Variants in TSNARE1 observed in about 807,000 individuals in gnomAD.
TSNARE1 encodes t-SNARE domain-containing protein 1.
TSNARE1 carries 49 observed loss-of-function variants against 62.0 expected under a neutral mutation model. The ratio of observed to expected loss-of-function variants is 0.79; its 90% CI spans 0.63 to 1.00. The LOEUF (loss-of-function observed/expected upper bound fraction) is 1.00, where lower values mean the gene tolerates loss of function less well. TSNARE1 is among the 50% of genes least tolerant of loss of function. The pLI is 0.00. For synonymous variants in TSNARE1, 328 were observed against 294.4 expected (o/e 1.11, Z -1.17); for missense variants, 755 against 700.1 (o/e 1.08, Z -0.88).
chr8:142,258,836 T>A (rs1347078511), intron 12 of TSNARE1, among the ~76,000 whole-genome samples: 1 of 152,136 alleles, frequency 6.6e-6, no homozygotes, highest in Non-Finnish European at 1.5e-5. Flanking sequence ...CGCATGCCTT[T>A]CTGTTGCTCA....
chr8:142,318,650 G>T lies in TSNARE1; in HGVS notation c.894-16C>A. The T allele has an allele frequency of 6.2e-7, 1 of 1,613,302 alleles. No homozygotes were observed. ...TGCCGTGTGCCTGGGGGCCGAGAAG[G>T]AGCCAGGAGCGAAGGCAGGGGAGGA... is the stretch of plus-strand genomic sequence containing the variant. On this transcript the variant is annotated splice_polypyrimidine_tract_variant and intron_variant, in intron 6 of 13. Coordinates refer to ENST00000524325, the MANE Select transcript of TSNARE1 (RefSeq NM_145003.5).
chr8:142,389,865 G>C (rs1837362673), intron 1 of TSNARE1, among the ~76,000 whole-genome samples: 1 of 152,216 alleles, frequency 6.6e-6, no homozygotes. Flanking sequence ...TCTGAGGACT[G>C]TATCATTAGA....
intron 2 of TSNARE1, 99 bp downstream of exon 2, chr8:142,354,538 C>G (rs1834536518): frequency 3.6e-6 from 3 of 824,552 alleles, no homozygotes; most frequent in East Asian, 2.7e-5. Context: ...CTCAAAAGAA[C>G]AGAACTGGTT....
Position 142,268,179 on chromosome 8 carries a change from G to A in TSNARE1, c.1446+6602C>T, listed in dbSNP as rs117936862. ...CCATTCCATGCCCCCACTGGATGATGGAGCTTCATGGACAGCCATCTGCTG... is the reference window on the plus strand; with the variant it reads ...CCATTCCATGCCCCCACTGGATGATAGAGCTTCATGGACAGCCATCTGCTG... On this transcript the variant is annotated intron_variant, in intron 12 of 13. Coordinates refer to ENST00000524325, the MANE Select transcript of TSNARE1 (RefSeq NM_145003.5). 5.9e-3 allele frequency among the ~76,000 whole-genome samples: 895 copies of A among 152,362 alleles called. 4 individuals are homozygous for A. The highest frequency in any genetic ancestry group is 0.01 in the Middle Eastern group (3 of 294).
chr8:142,365,709 CACA>C (rs1256569868), intron 1 of TSNARE1, among the ~76,000 whole-genome samples: 1 of 152,086 alleles, frequency 6.6e-6, no homozygotes, highest in Non-Finnish European at 1.5e-5. Flanking sequence ...GCAAAATATA[CACA>C]ACAAGTTTTC....
intron 12 of TSNARE1, chr8:142,273,416 C>A (rs1397357382): frequency 1.6e-5 from 16 of 985,462 alleles, no homozygotes; most frequent in Non-Finnish European, 1.9e-5. Context: ...CTCCTGGAGG[C>A]CCCTGGGCCT....
intron 13 of TSNARE1, among the ~76,000 whole-genome samples, chr8:142,214,862 C>T (rs1586737076): frequency 1.3e-5 from 2 of 152,206 alleles, no homozygotes; most frequent in Non-Finnish European, 2.9e-5. Context: ...CCTGGCGGCA[C>T]CCTGATCTGG....
intron 1 of TSNARE1, among the ~76,000 whole-genome samples, chr8:142,367,436 CCA>C (rs989512128): frequency 1.3e-5 from 2 of 151,558 alleles, no homozygotes; most frequent in African/African-American, 4.9e-5. Flanking sequence ...ACACCAAAGA[CCA>C]CACATGTTTG....
intron 11 of TSNARE1, chr8:142,275,895 G>A (rs1563806176): frequency 1.0e-6 from 1 of 985,308 alleles, no homozygotes; most frequent in East Asian, 1.1e-4. Flanking sequence ...AGAAAGACAA[G>A]GCCACTCCCC....
intron 12 of TSNARE1, chr8:142,274,449 T>A: frequency 1.0e-6 from 1 of 985,446 alleles, no homozygotes; most frequent in Non-Finnish European, 1.2e-6. Context: ...CTGAGCTGCA[T>A]GTCAGCATCT....
chr8:142,295,583 G>A (rs1195962219), intron 10 of TSNARE1, among the ~76,000 whole-genome samples: 2 of 152,266 alleles, frequency 1.3e-5, no homozygotes, highest in Non-Finnish European at 2.9e-5. Context: ...ATAGGGGGCA[G>A]GCCCCCGTCA....
chr8:142,248,399 G>A (rs1407372339), intron 12 of TSNARE1, among the ~76,000 whole-genome samples: 1 of 152,196 alleles, frequency 6.6e-6, no homozygotes, highest in Non-Finnish European at 1.5e-5. Flanking sequence ...TTGAGTAACG[G>A]GACAAAGAGC....
Position 142,383,452 on chromosome 8 carries a change from C to T in TSNARE1, c.-40+19652G>A, listed in dbSNP as rs567441019. 2.5e-4 allele frequency among the ~76,000 whole-genome samples: 38 copies of T among 152,300 alleles called. No homozygotes were observed. In the South Asian group the frequency reaches 7.9e-3, roughly 32 times the overall value. On this transcript the variant is annotated intron_variant, in intron 1 of 13. Transcript: ENST00000524325. ...CAGAGTGCAAATGCCAGACAGCCAT[C>T]CTCTGTGGGAGGCCCCAAGCACAGC...
intron 11 of TSNARE1, chr8:142,278,231 G>A (rs1446612236): frequency 9.1e-6 from 9 of 985,378 alleles, no homozygotes; most frequent in South Asian, 9.4e-5. Flanking sequence ...GTCTACATGC[G>A]TCTCCCAACC....
intron 12 of TSNARE1, among the ~76,000 whole-genome samples, chr8:142,254,838 T>G (rs1818344951): frequency 6.6e-6 from 1 of 150,782 alleles, no homozygotes; most frequent in South Asian, 2.1e-4. Context: ...GGGAGGAGAG[T>G]CTCTCGCAGG....
chr8:142,312,722 C>T (rs573238070), intron 9 of TSNARE1, among the ~76,000 whole-genome samples: 7 of 151,828 alleles, frequency 4.6e-5, no homozygotes, highest in South Asian at 2.1e-4. Flanking sequence ...AAGGGGAAAA[C>T]GGACCGAGTG....
At chr8:142,216,945 T>C (rs938317313) in intron 13 of TSNARE1, among the ~76,000 whole-genome samples, 1 of 152,038 alleles carries the variant, frequency 6.6e-6, no homozygotes, top group African/African-American at 2.4e-5. Context: ...TGAACAGTCG[T>C]GGAGAAACTG....
At chr8:142,226,968 C>CA (rs1563760342) in intron 13 of TSNARE1, among the ~76,000 whole-genome samples, 5 of 130,954 alleles carry the variant, frequency 3.8e-5, no homozygotes, top group East Asian at 2.3e-4. Context: ...TGCACCCACA[C>CA]GGCAGTGACA....
intron 4 of TSNARE1, among the ~76,000 whole-genome samples, chr8:142,332,415 G>A (rs975834147): frequency 6.6e-6 from 1 of 152,174 alleles, no homozygotes; most frequent in African/African-American, 2.4e-5. Flanking sequence ...GGGAGGAATG[G>A]GCATGACTGC....
Sources: allele counts gnomAD v4.1 joint callset (sites outside exome capture counted in the v4.1 genomes callset), GRCh38; gene constraint gnomAD v4.1.1; transcripts MANE v1.5; gene names NCBI Gene and HGNC (gene_info 2026-07-23, HGNC 2026-07-21).